The following RDX variants were observed in gnomAD, a reference collection of about 807,000 sequenced individuals.
RDX encodes deafness, autosomal recessive 24.
In RDX, 32 loss-of-function variants were observed where a neutral mutation model predicts 83.7. The ratio of observed to expected loss-of-function variants is 0.38; its 90% CI spans 0.29 to 0.51. RDX has a LOEUF of 0.51. Among genes scored for constraint, RDX ranks in the 20% least tolerant of loss-of-function variants. The pLI, the probability that RDX is intolerant of heterozygous loss-of-function variation, is 0.87. For missense variants in RDX, 600 were observed against 689.9 expected (o/e 0.87, Z 1.46); for synonymous variants, 229 against 222.7 (o/e 1.03, Z -0.25).
chr11:110,269,988 G>A lies in RDX; in HGVS notation c.96+2548C>T, dbSNP rs1158677169. On this transcript the variant is annotated intron_variant, in intron 3 of 13. Transcript: ENST00000645495. ...GCCTGGGAGGCAGAGGTTACAGTGA[G>A]CCGAGATCGCACCACTGCATTCCAG... Among the ~76,000 whole-genome samples, 6 of 152,218 alleles carry A rather than the reference G, an allele frequency of 3.9e-5. No homozygotes were observed. The South Asian group carries it at 1.0e-3, about 26-fold the overall frequency.
intron 15 of RDX, chr11:110,195,871 T>C (rs1212647560): frequency 1.3e-5 from 2 of 152,204 alleles, no homozygotes; most frequent in Non-Finnish European, 1.5e-5. Flanking sequence ...TGGGGTGCAG[T>C]AGATGCTGGC....
chr11:110,261,293 C>T (rs955201079), intron 5 of RDX, among the ~76,000 whole-genome samples: 1 of 152,148 alleles, frequency 6.6e-6, no homozygotes, highest in Non-Finnish European at 1.5e-5. Context: ...AATACCCAGC[C>T]GCCCAAGTCA....
In RDX at chr11:110,264,774, T is replaced by G; in HGVS notation, c.192+5A>C. 1 of 1,583,170 alleles carries G rather than the reference T, an allele frequency of 6.3e-7. No individual in the cohort carries two copies. ...ATTAGTTTAATGTTATCGTACATAT[T>G]TTACCTTTTTATTTAGTTTAAGCCA... On this transcript the variant is annotated splice_donor_5th_base_variant and intron_variant, in intron 4 of 13. Transcript: ENST00000645495.
chr11:110,266,008 A>G (rs1860025299), intron 3 of RDX, among the ~76,000 whole-genome samples: 1 of 152,158 alleles, frequency 6.6e-6, no homozygotes, highest in African/African-American at 2.4e-5. Flanking sequence ...CAGAATGATC[A>G]GCCTGTGGTA....
At chr11:110,259,258 A>G (rs1437698898) in intron 5 of RDX, among the ~76,000 whole-genome samples, 2 of 152,204 alleles carry the variant, frequency 1.3e-5, no homozygotes, top group Non-Finnish European at 2.9e-5. Context: ...ATTATATTCT[A>G]CTACTACTAT....
At chr11:110,179,109 C>A (rs899464370) in intron 15 of RDX, among the ~76,000 whole-genome samples, 30 of 152,176 alleles carry the variant, frequency 2.0e-4, no homozygotes, top group African/African-American at 7.2e-4. Context: ...CAGGGGGAAG[C>A]TGCCGCAATG....
intron 2 of RDX, chr11:110,273,209 C>A: frequency 2.8e-6 from 1 of 354,900 alleles, no homozygotes; most frequent in Non-Finnish European, 5.6e-6. Flanking sequence ...CAAGACCCTG[C>A]CTCCAAAAAC....
At chr11:110,192,726 A>C (rs1266323077) in intron 15 of RDX, among the ~76,000 whole-genome samples, 1 of 152,214 alleles carries the variant, frequency 6.6e-6, no homozygotes, top group East Asian at 1.9e-4. Context: ...GACACTTCTC[A>C]AAAGAAGATA....
chr11:110,291,494 C>T (rs28528876), intron 1 of RDX, among the ~76,000 whole-genome samples: 53 of 152,222 alleles, frequency 3.5e-4, no homozygotes, highest in Middle Eastern at 3.4e-3. Context: ...CAATGAGGCT[C>T]GAAAGACATC....
intron 14 of RDX, among the ~76,000 whole-genome samples, chr11:110,217,248 G>T (rs1399533149): frequency 2.0e-5 from 3 of 152,136 alleles, no homozygotes; most frequent in Non-Finnish European, 4.4e-5. Context: ...ATATAAAATT[G>T]CTGTTTTTAC....
intron 14 of RDX, among the ~76,000 whole-genome samples, chr11:110,223,368 A>T (rs529256822): frequency 9.5e-4 from 144 of 152,128 alleles, no homozygotes; most frequent in African/African-American, 2.4e-3. Context: ...ATAATAATAA[A>T]AAACAAAAAA....
chr11:110,295,642 G>GA (rs370760081), intron 1 of RDX, among the ~76,000 whole-genome samples: 4,959 of 122,132 alleles, frequency 0.041, 127 homozygotes, highest in East Asian at 0.051. Context: ...TGTTTAAACT[G>GA]AAAAAAAAAA....
At chr11:110,296,337 G>T (rs1312412576) in intron 1 of RDX, 130 bp downstream of exon 1, 2 of 151,878 alleles carry the variant, frequency 1.3e-5, no homozygotes, top group African/African-American at 4.8e-5. Flanking sequence ...GGCGCGAGCG[G>T]AGGCGCGCCA....
At chr11:110,239,058 C>A (rs534151068) in intron 10 of RDX, among the ~76,000 whole-genome samples, 1 of 151,636 alleles carries the variant, frequency 6.6e-6, no homozygotes, top group South Asian at 2.1e-4. Context: ...GTGGGAAGAC[C>A]GCTTGAGGCC....
intron 10 of RDX, among the ~76,000 whole-genome samples, chr11:110,241,441 CGT>C (rs1362674844): frequency 6.6e-6 from 1 of 152,024 alleles, no homozygotes; most frequent in East Asian, 1.9e-4. Context: ...GGATTACAGA[CGT>C]GTGTCACCAC....
intron 1 of RDX, among the ~76,000 whole-genome samples, chr11:110,293,735 A>G (rs1698028696): frequency 6.6e-6 from 1 of 152,198 alleles, no homozygotes; most frequent in South Asian, 2.1e-4. Context: ...GCCACCCAAC[A>G]GTGACTTGCT....
chr11:110,199,703 T>C, intron 14 of RDX: 1 of 702,944 alleles, frequency 1.4e-6, no homozygotes, highest in Non-Finnish European at 2.6e-6. Context: ...ATTAAGAGAT[T>C]AGAAAGCATT....
At chr11:110,211,578 TG>T (rs1863840075) in intron 14 of RDX, among the ~76,000 whole-genome samples, 1 of 151,392 alleles carries the variant, frequency 6.6e-6, no homozygotes, top group Non-Finnish European at 1.5e-5. Context: ...GACCACATAC[TG>T]GGAAGTAAAG....
intron 1 of RDX, among the ~76,000 whole-genome samples, chr11:110,280,179 G>T (rs1468551419): frequency 6.6e-6 from 1 of 151,906 alleles, no homozygotes; most frequent in Non-Finnish European, 1.5e-5. Flanking sequence ...TTTTTTTTCT[G>T]TACTGCCAAA....
Sources: allele counts gnomAD v4.1 joint callset (sites outside exome capture counted in the v4.1 genomes callset), GRCh38; gene constraint gnomAD v4.1.1; transcripts MANE v1.5; gene names NCBI Gene and HGNC (gene_info 2026-07-23, HGNC 2026-07-21).